The following TAFA5 variants were observed in gnomAD, a reference collection of about 807,000 sequenced individuals.
TAFA5 encodes chemokine-like protein TAFA-5.
Under a neutral mutation model 15.3 loss-of-function variants are expected in TAFA5, and 6 were observed. The ratio of observed to expected loss-of-function variants is 0.39; its 90% CI spans 0.21 to 0.77. The LOEUF is 0.77. Ranked by LOEUF, TAFA5 falls within the 30% of genes least tolerant of loss-of-function variation. The pLI is 0.41. For missense variants in TAFA5, 161 were observed against 193.1 expected (o/e 0.83, Z 0.98); for synonymous variants, 103 against 80.7 (o/e 1.28, Z -1.48).
At chr22:48,683,163 C>T (rs1266992048) in intron 2 of TAFA5, among the ~76,000 whole-genome samples, 1 of 152,158 alleles carries the variant, frequency 6.6e-6, no homozygotes, top group Non-Finnish European at 1.5e-5. Context: ...ATAGACACGG[C>T]TCTCTTGGTA....
intron 1 of TAFA5, among the ~76,000 whole-genome samples, chr22:48,582,086 GC>G (rs1291790550): frequency 6.6e-6 from 1 of 152,052 alleles, no homozygotes; most frequent in Admixed American, 6.5e-5. Flanking sequence ...GCCCTGACCT[GC>G]CTGTCGGGGC....
intron 1 of TAFA5, among the ~76,000 whole-genome samples, chr22:48,508,636 C>G (rs950846480): frequency 1.3e-5 from 2 of 152,182 alleles, no homozygotes; most frequent in Non-Finnish European, 2.9e-5. Context: ...CCTGTAACAA[C>G]CTAACTGCAG....
At chr22:48,588,533 C>T (rs534904782) in intron 1 of TAFA5, among the ~76,000 whole-genome samples, 4 of 152,286 alleles carry the variant, frequency 2.6e-5, no homozygotes, top group Admixed American at 2.6e-4. Context: ...AGTGGGACTC[C>T]TCACCCCGTC....
intron 1 of TAFA5, among the ~76,000 whole-genome samples, chr22:48,516,427 A>T: frequency 6.6e-6 from 1 of 151,906 alleles, no homozygotes; most frequent in Non-Finnish European, 1.5e-5. Context: ...AGTGAGTGGA[A>T]TATTCAGTGC....
intron 1 of TAFA5, among the ~76,000 whole-genome samples, chr22:48,632,025 A>G (rs1926248004): frequency 6.6e-6 from 1 of 152,152 alleles, no homozygotes; most frequent in Non-Finnish European, 1.5e-5. Context: ...TTCCTTCATC[A>G]CGTTGTCACT....
chr22:48,711,502 G>C (rs1929254007), intron 3 of TAFA5, among the ~76,000 whole-genome samples: 1 of 152,100 alleles, frequency 6.6e-6, no homozygotes, highest in Non-Finnish European at 1.5e-5. Context: ...GGCCTGTGGT[G>C]ACCTGTGTTC....
At chr22:48,520,822 G>A (rs1486397875) in intron 1 of TAFA5, among the ~76,000 whole-genome samples, 3 of 152,148 alleles carry the variant, frequency 2.0e-5, no homozygotes, top group Non-Finnish European at 4.4e-5. Context: ...GATCTGGAAG[G>A]TCGGGAAAAG....
chr22:48,590,186 G>A (rs374562636), intron 1 of TAFA5, among the ~76,000 whole-genome samples: 1 of 152,162 alleles, frequency 6.6e-6, no homozygotes, highest in Non-Finnish European at 1.5e-5. Context: ...CCACGGAGGC[G>A]AGGGCCCTTG....
intron 1 of TAFA5, among the ~76,000 whole-genome samples, chr22:48,597,806 C>T (rs943164090): frequency 1.3e-5 from 2 of 152,248 alleles, no homozygotes; most frequent in Non-Finnish European, 2.9e-5. Context: ...AGCTGCTGCT[C>T]TCTGGGTGTG....
intron 1 of TAFA5, among the ~76,000 whole-genome samples, chr22:48,627,364 C>T (rs1037735482): frequency 5.9e-5 from 9 of 152,170 alleles, no homozygotes; most frequent in South Asian, 2.1e-4. Context: ...CTGGGGGTGG[C>T]GGGGGAGGCA....
intron 1 of TAFA5, among the ~76,000 whole-genome samples, chr22:48,523,931 A>G (rs1328841220): frequency 6.6e-6 from 1 of 152,136 alleles, no homozygotes; most frequent in Non-Finnish European, 1.5e-5. Flanking sequence ...CGAGGTGCCC[A>G]CAGCTGCCAC....
intron 2 of TAFA5, among the ~76,000 whole-genome samples, chr22:48,680,202 G>A (rs117562384): frequency 0.014 from 2,071 of 152,352 alleles, 50 homozygotes; most frequent in South Asian, 0.11. Context: ...CCCTGGCTCC[G>A]GCCTGTCTTC....
In TAFA5 at chr22:48,721,976, G is replaced by GA. The variant is rs130177; in HGVS notation, c.390+14143dup. Among the ~76,000 whole-genome samples the GA allele has an allele frequency of 1.3e-3, 199 of 150,236 alleles. 1 individual carries two copies. Among genetic ancestry groups the GA allele is most frequent in the African/African-American group, 4.4e-3 (180 of 40,990 alleles). On this transcript the variant is annotated intron_variant, in intron 3 of 3. Coordinates refer to ENST00000402357, the MANE Select transcript of TAFA5 (RefSeq NM_001082967.3). Reference sequence around the variant, plus strand: ...CAGGCGACAGAGCAAAACTCTGTCTGAAAAAAAAAAATTTAATAAACATAC... The same window carrying GA: ...CAGGCGACAGAGCAAAACTCTGTCTGAAAAAAAAAAAATTTAATAAACATAC...
intron 1 of TAFA5, among the ~76,000 whole-genome samples, chr22:48,583,233 CCACACACCGCA>C (rs1464085502): frequency 1.4e-5 from 2 of 146,950 alleles, no homozygotes; most frequent in African/African-American, 5.0e-5. Flanking sequence ...ACAAAATACA[CCACACACCGCA>C]CACACACCAC....
chr22:48,590,389 C>G (rs1569038042), intron 1 of TAFA5, among the ~76,000 whole-genome samples: 1 of 152,206 alleles, frequency 6.6e-6, no homozygotes, highest in Non-Finnish European at 1.5e-5. Flanking sequence ...TGTGTATCAG[C>G]TTTTATGGCT....
chr22:48,749,086 C>G (rs866036754), intron 3 of TAFA5, among the ~76,000 whole-genome samples: 1 of 152,130 alleles, frequency 6.6e-6, no homozygotes, highest in Non-Finnish European at 1.5e-5. Flanking sequence ...GGGTCTGTGT[C>G]GACATGGGGA....
At chr22:48,748,383 C>T (rs1388989211) in intron 3 of TAFA5, among the ~76,000 whole-genome samples, 6 of 152,240 alleles carry the variant, frequency 3.9e-5, no homozygotes, top group South Asian at 4.1e-4. Context: ...AGCTTCCTTT[C>T]CAGGCCCCAG....
chr22:48,723,870 A>G (rs1929640865), intron 3 of TAFA5, among the ~76,000 whole-genome samples: 1 of 152,244 alleles, frequency 6.6e-6, no homozygotes. Context: ...TTCTCTGTGT[A>G]GGAAAAGGAT....
intron 3 of TAFA5, among the ~76,000 whole-genome samples, chr22:48,747,248 T>C (rs1308682813): frequency 1.3e-5 from 2 of 152,226 alleles, no homozygotes; most frequent in Admixed American, 6.5e-5. Context: ...ATGAATGCCC[T>C]GTAGCCTGAG....
Sources: gnomAD v4.1 joint callset for allele counts (sites outside exome capture counted in the v4.1 genomes callset) on GRCh38, gnomAD v4.1.1 for gene constraint, MANE v1.5 for transcripts, NCBI Gene and HGNC (gene_info 2026-07-23, HGNC 2026-07-21) for gene names.